Variants in ABCA13 observed in about 807,000 individuals in gnomAD.
ABCA13 encodes ATP-binding cassette sub-family A member 13.
Under a neutral mutation model 478.7 loss-of-function variants are expected in ABCA13, and 476 were observed. The observed-to-expected ratio is 0.99, with a 90% CI of 0.92 to 1.07. The LOEUF (loss-of-function observed/expected upper bound fraction) is 1.07, where lower values mean the gene tolerates loss of function less well. Among genes scored for constraint, ABCA13 ranks in the 50% least tolerant of loss-of-function variants. The pLI is 0.00. For synonymous variants in ABCA13, 2,252 were observed against 2,158.9 expected (o/e 1.04, Z -1.20); for missense variants, 6,060 against 5,910.6 (o/e 1.03, Z -0.83).
chr7:48,523,649 G>T (rs1051506711), intron 53 of ABCA13, among the ~76,000 whole-genome samples: 1 of 152,020 alleles, frequency 6.6e-6, no homozygotes, highest in Non-Finnish European at 1.5e-5. Context: ...TTATTGGAAA[G>T]TTAAATGTGT....
At chr7:48,396,963 C>A (rs990129625) in intron 38 of ABCA13, among the ~76,000 whole-genome samples, 1 of 152,114 alleles carries the variant, frequency 6.6e-6, no homozygotes, top group Non-Finnish European at 1.5e-5. Flanking sequence ...TTTGGAGATA[C>A]GAAACAAAAC....
At position 48,488,520 on chromosome 7, in the gene ABCA13, G is replaced by T. The variant is rs147473062; in HGVS notation, c.13183-716G>T. 6.3e-3 allele frequency among the ~76,000 whole-genome samples: 954 copies of T among 152,262 alleles called. 9 individuals are homozygous for T. Among genetic ancestry groups the T allele is most frequent in the African/African-American group, 0.022 (911 of 41,544 alleles). On this transcript the variant is annotated intron_variant, in intron 47 of 61. Coordinates refer to ENST00000435803, the MANE Select transcript of ABCA13 (RefSeq NM_152701.5). ...CCAAGCGGATTATCTGTCACAAAAGGCAGCCTCTTCTAGAGAAATGAGCTG... is the reference window on the plus strand; with the variant it reads ...CCAAGCGGATTATCTGTCACAAAAGTCAGCCTCTTCTAGAGAAATGAGCTG...
rs1584543527 is a variant in ABCA13 at position 48,272,345 on chromosome 7, T to A, written c.2679T>A (p.Arg893=). The A allele has an allele frequency of 1.2e-6, 2 of 1,613,768 alleles. No homozygotes were observed. The highest frequency in any genetic ancestry group is 4.5e-5 in the East Asian group (2 of 44,862). The change falls in exon 17 of 62, where the codon CGT becomes CGA. Residue 893 remains arginine (R), a synonymous_variant. Transcript: ENST00000435803. Reference sequence around the variant, plus strand: ...CAGCTATGAACATAGATTTTGTACGTTTAAGTGAGGCTATAATAACTAGTC... The same window carrying A: ...CAGCTATGAACATAGATTTTGTACGATTAAGTGAGGCTATAATAACTAGTC... ...KSPAMNIDFV[R]LSEAIITSLH...
chr7:48,286,381 C>T (rs1166865090), intron 19 of ABCA13, among the ~76,000 whole-genome samples: 2 of 152,134 alleles, frequency 1.3e-5, no homozygotes, highest in Non-Finnish European at 2.9e-5. Flanking sequence ...TTTACTGTCT[C>T]CATAGTTTTT....
intron 48 of ABCA13, among the ~76,000 whole-genome samples, chr7:48,503,403 T>C (rs1019221843): frequency 2.0e-5 from 3 of 152,234 alleles, no homozygotes; most frequent in Admixed American, 6.5e-5. Flanking sequence ...ATTTATCTTA[T>C]GTCTGGAATT....
chr7:48,411,500 G>A (rs1029213455), intron 40 of ABCA13, among the ~76,000 whole-genome samples: 2 of 151,948 alleles, frequency 1.3e-5, no homozygotes, highest in African/African-American at 4.8e-5. Context: ...TAAAGATGGG[G>A]TTTTACCATG....
At chr7:48,407,182 T>C (rs1818376183) in intron 39 of ABCA13, among the ~76,000 whole-genome samples, 1 of 152,028 alleles carries the variant, frequency 6.6e-6, no homozygotes, top group Non-Finnish European at 1.5e-5. Context: ...ATCAAAAATA[T>C]TCAGGGAAAG....
At chr7:48,566,044 A>C (rs1236099135) in intron 55 of ABCA13, among the ~76,000 whole-genome samples, 1 of 152,180 alleles carries the variant, frequency 6.6e-6, no homozygotes, top group Non-Finnish European at 1.5e-5. Context: ...TTAAAATACT[A>C]TCTGGAAAGC....
Position 48,622,753 on chromosome 7 carries a change from C to T in ABCA13, c.14837+7376C>T, listed in dbSNP as rs201527868. Among the ~76,000 whole-genome samples, 3 of 152,116 alleles carry T rather than the reference C, an allele frequency of 2.0e-5. No individual in the cohort carries two copies. The East Asian group carries it at 5.8e-4, about 29-fold the overall frequency. On this transcript the variant is annotated intron_variant, in intron 59 of 61. Transcript: ENST00000435803. Reference sequence around the variant, plus strand: ...TTCTTATATAGTGCTTACTGTATGCCAGCTGTAAGTGCTTTATACACATGA... The same window carrying T: ...TTCTTATATAGTGCTTACTGTATGCTAGCTGTAAGTGCTTTATACACATGA...
At chr7:48,554,689 T>C (rs1785614016) in intron 55 of ABCA13, among the ~76,000 whole-genome samples, 2 of 151,762 alleles carry the variant, frequency 1.3e-5, no homozygotes, top group African/African-American at 4.8e-5. Flanking sequence ...CTTGAAACTT[T>C]AATTTGTTTA....
chr7:48,571,271 A>G (rs1368555849), intron 55 of ABCA13, among the ~76,000 whole-genome samples: 1 of 152,170 alleles, frequency 6.6e-6, no homozygotes, highest in South Asian at 2.1e-4. Context: ...AATCTTAACC[A>G]GTGCTTTTTG....
At chr7:48,571,196 A>C (rs1787610998) in intron 55 of ABCA13, among the ~76,000 whole-genome samples, 1 of 152,208 alleles carries the variant, frequency 6.6e-6, no homozygotes, top group Non-Finnish European at 1.5e-5. Context: ...CATTTAACTA[A>C]AACAGAAAAA....
chr7:48,242,232 C>G (rs888746487), intron 10 of ABCA13, among the ~76,000 whole-genome samples: 5 of 151,944 alleles, frequency 3.3e-5, no homozygotes, highest in Middle Eastern at 6.8e-3. Flanking sequence ...CTGTGCCAGG[C>G]CAGGGGATTG....
chr7:48,530,734 A>G (rs1833172645), intron 55 of ABCA13, among the ~76,000 whole-genome samples: 2 of 152,104 alleles, frequency 1.3e-5, no homozygotes, highest in Non-Finnish European at 2.9e-5. Context: ...TTCCCTGATC[A>G]TTAGTGATGT....
intron 42 of ABCA13, among the ~76,000 whole-genome samples, chr7:48,439,289 T>G (rs1215450493): frequency 1.3e-5 from 2 of 152,116 alleles, no homozygotes; most frequent in Non-Finnish European, 2.9e-5. Context: ...AGGTGCCCAT[T>G]TTTTGGCTGG....
At position 48,276,050 on chromosome 7, in the gene ABCA13, C is replaced by T. The variant is rs1183014594; in HGVS notation, c.6384C>T (p.Asn2128=). ...IIEDFLLVTK[N]WLQEYANEDY... is the part of the protein sequence containing the mutation. ...AAGATTTTCTATTGGTCACAAAAAA[C>T]TGGCTTCAGGAATATGCAAATGAGG... Residue 2128 remains asparagine, a synonymous_variant, in exon 17 of 62, where the codon AAC becomes AAT. Transcript: ENST00000435803. 1.2e-6 allele frequency: 2 copies of T among 1,607,776 alleles called. No individual in the cohort carries two copies. Among genetic ancestry groups the T allele is most frequent in the Non-Finnish European group, 1.7e-6 (2 of 1,176,726 alleles).
rs901835700 is a variant in ABCA13 at position 48,380,854 on chromosome 7, A to G, written c.11335+4282A>G. Among the ~76,000 whole-genome samples the G allele has an allele frequency of 2.6e-5, 4 of 152,138 alleles. 1 individual carries two copies. In the East Asian group the frequency reaches 5.8e-4, roughly 22 times the overall value. ...CCTTTCACAAGCAAAAAACCAATCC[A>G]GAGCCCACGCCCCTACCACCTGCTG... On this transcript the variant is annotated intron_variant, in intron 35 of 61. Coordinates refer to ENST00000435803, the MANE Select transcript of ABCA13 (RefSeq NM_152701.5).
chr7:48,176,763 G>T (rs1794939055), intron 1 of ABCA13, among the ~76,000 whole-genome samples: 1 of 152,120 alleles, frequency 6.6e-6, no homozygotes, highest in South Asian at 2.1e-4. Context: ...CTGGGGCTAG[G>T]TAGGGAGCTT....
chr7:48,402,816 G>A (rs938119972), intron 38 of ABCA13, among the ~76,000 whole-genome samples: 11 of 152,236 alleles, frequency 7.2e-5, no homozygotes, highest in Admixed American at 7.2e-4. Context: ...CATGACTTCA[G>A]CTGCTGGCTA....
Sources: allele counts gnomAD v4.1 joint callset (sites outside exome capture counted in the v4.1 genomes callset), GRCh38; gene constraint gnomAD v4.1.1; transcripts MANE v1.5; gene names NCBI Gene and HGNC (gene_info 2026-07-23, HGNC 2026-07-21).